The following GCNT1 variants were observed in gnomAD, a reference collection of about 807,000 sequenced individuals.
The protein encoded by GCNT1 is beta-1,3-galactosyl-O-glycosyl-glycoprotein beta-1,6-N-acetylglucosaminyltransferase.
In GCNT1, 16 loss-of-function variants were observed where a neutral mutation model predicts 26.2. The ratio of observed to expected loss-of-function variants is 0.61; its 90% CI spans 0.41 to 0.93. GCNT1 has a LOEUF of 0.93. Among genes scored for constraint, GCNT1 ranks in the 40% least tolerant of loss-of-function variants. The pLI is 0.00. For synonymous variants in GCNT1, 183 were observed against 190.8 expected (o/e 0.96, Z 0.34); for missense variants, 477 against 526.7 (o/e 0.91, Z 0.92).
chr9:76,498,844 ATAAAT>A (rs1824982734), intron 2 of GCNT1, among the ~76,000 whole-genome samples: 1 of 151,992 alleles, frequency 6.6e-6, no homozygotes, highest in Non-Finnish European at 1.5e-5. Flanking sequence ...TTTTATCATC[ATAAAT>A]TAATGTAGCT....
intron 2 of GCNT1, among the ~76,000 whole-genome samples, chr9:76,467,066 G>T (rs189049997): frequency 3.3e-4 from 50 of 150,230 alleles, no homozygotes; most frequent in African/African-American, 1.2e-3. Flanking sequence ...TCTTTGAGAT[G>T]GAGTCTTGCT....
At chr9:76,443,577 C>T (rs145401948) in intron 1 of GCNT1, among the ~76,000 whole-genome samples, 179 of 152,300 alleles carry the variant, frequency 1.2e-3, no homozygotes, top group African/African-American at 3.9e-3. Flanking sequence ...GCCCTCATTC[C>T]GGTAAACCCA....
the GCNT1 span, among the ~76,000 whole-genome samples, chr9:76,412,229 T>C: frequency 6.7e-6 from 1 of 150,076 alleles, no homozygotes; most frequent in East Asian, 1.9e-4. Context: ...GAAGCATACA[T>C]AAGCATAAGT....
intron 2 of GCNT1, among the ~76,000 whole-genome samples, chr9:76,477,579 C>T (rs1358832114): frequency 6.6e-6 from 1 of 151,974 alleles, no homozygotes; most frequent in Non-Finnish European, 1.5e-5. Flanking sequence ...CACTTACCTG[C>T]TCTGAAGGTG....
At chr9:76,483,604 G>A (rs1824483042) in intron 2 of GCNT1, among the ~76,000 whole-genome samples, 1 of 151,916 alleles carries the variant, frequency 6.6e-6, no homozygotes, top group African/African-American at 2.4e-5. Context: ...TCTTGTTTTT[G>A]TAGAGATGGT....
rs965164002 is a variant in GCNT1 at position 76,505,929 on chromosome 9, T to C, written c.*2261T>C. ...GTAAACTTACCATCTTCTATGTAGC[T>C]GTGATATCTCATCTTTCTAAAATGG... On this transcript the variant is annotated 3_prime_UTR_variant, in exon 4 of 4. Coordinates refer to ENST00000376730, the MANE Select transcript of GCNT1 (RefSeq NM_001490.5). The C allele has an allele frequency of 6.0e-6, 1 of 166,692 alleles. No homozygotes were observed. Among genetic ancestry groups the C allele is most frequent in the African/African-American group, 2.4e-5 (1 of 41,468 alleles). The allele number at this position is 166,692 out of a possible 1,614,324, so 10.3% of individuals were successfully genotyped here. A position where few individuals can be genotyped will look rare whatever the true frequency, so the allele number is the denominator to read the frequency against.
intron 2 of GCNT1, among the ~76,000 whole-genome samples, chr9:76,491,455 G>A (rs1490587832): frequency 6.6e-6 from 1 of 152,174 alleles, no homozygotes; most frequent in African/African-American, 2.4e-5. Context: ...CCATATTGCA[G>A]CATGGGCATG....
chr9:76,445,807 C>T (rs1823567102), intron 1 of GCNT1, among the ~76,000 whole-genome samples: 1 of 151,656 alleles, frequency 6.6e-6, no homozygotes, highest in Non-Finnish European at 1.5e-5. Flanking sequence ...AGACTCCTGT[C>T]TCTATAAAAA....
At chr9:76,495,528 G>A (rs117476833) in intron 2 of GCNT1, among the ~76,000 whole-genome samples, 12,283 of 152,176 alleles carry the variant, frequency 0.081, 674 homozygotes, top group Non-Finnish European at 0.12. Context: ...ATTTGCTCCC[G>A]CCTATGTCCT....
At chr9:76,464,930 A>G (rs113719625) in intron 2 of GCNT1, among the ~76,000 whole-genome samples, 4 of 152,302 alleles carry the variant, frequency 2.6e-5, no homozygotes, top group African/African-American at 9.6e-5. Flanking sequence ...TAGGGCAGGC[A>G]GTAGTGTTGC....
intron 2 of GCNT1, among the ~76,000 whole-genome samples, chr9:76,467,897 GTTTTTTTTTT>G (rs35387152): frequency 0.01 from 599 of 59,112 alleles, 6 homozygotes; most frequent in African/African-American, 0.041. Flanking sequence ...CTCTTTCAGT[GTTTTTTTTTT>G]TTTTTTTTTT....
At chr9:76,494,260 A>G (rs1032809935) in intron 2 of GCNT1, among the ~76,000 whole-genome samples, 2 of 152,170 alleles carry the variant, frequency 1.3e-5, no homozygotes. Flanking sequence ...CTGGGCCACA[A>G]AGAGGACTGA....
the GCNT1 span, among the ~76,000 whole-genome samples, chr9:76,395,095 T>G: frequency 6.6e-6 from 1 of 152,082 alleles, no homozygotes; most frequent in Non-Finnish European, 1.5e-5. Context: ...TCTTGACAAT[T>G]TCACAAGCCC....
At position 76,506,355 on chromosome 9, in the gene GCNT1, A is replaced by C. The variant is rs1825238158; in HGVS notation, c.*2687A>C. Reference sequence around the variant, plus strand: ...GGATTTCAAGACCAGCCTAGCCAACATGACGAAACCCCATCTCTACTGAAA... The same window carrying C: ...GGATTTCAAGACCAGCCTAGCCAACCTGACGAAACCCCATCTCTACTGAAA... On this transcript the variant is annotated 3_prime_UTR_variant, in exon 4 of 4. Transcript: ENST00000376730. 1.2e-5 allele frequency: 2 copies of C among 166,904 alleles called. No homozygotes were observed. The allele number at this position is 166,904 out of a possible 1,614,324, so 10.3% of individuals were successfully genotyped here. A position where few individuals can be genotyped will look rare whatever the true frequency, so the allele number is the denominator to read the frequency against.
rs1250170005 is a variant in GCNT1 at position 76,503,203 on chromosome 9, G to C, written c.822G>C (p.Met274Ile). The change falls in exon 4 of 4, where the codon ATG (methionine) becomes ATC (isoleucine). Residue 274 changes from methionine (M) to isoleucine (I), a missense_variant. Coordinates refer to ENST00000376730, the MANE Select transcript of GCNT1 (RefSeq NM_001490.5). The stretch of plus-strand genomic sequence containing the variant: ...TGACAAACACAGGGACTGTCAAAAT[G>C]CTTCCTCCACTCGAAACACCTCTCT... Reference protein sequence around the residue: ...GKLTNTGTVKMLPPLETPLFS... With the variant: ...GKLTNTGTVKILPPLETPLFS... The C allele has an allele frequency of 1.9e-6, 3 of 1,614,040 alleles. No homozygotes were observed. The highest frequency in any genetic ancestry group is 2.7e-5 in the African/African-American group (2 of 74,918).
intron 1 of GCNT1, among the ~76,000 whole-genome samples, chr9:76,435,390 C>G (rs1303447323): frequency 2.0e-5 from 3 of 152,128 alleles, no homozygotes; most frequent in African/African-American, 7.2e-5. Flanking sequence ...CCAGTTCCCC[C>G]ACTGGTCCCA....
intron 2 of GCNT1, among the ~76,000 whole-genome samples, chr9:76,499,838 T>C (rs1221942985): frequency 2.0e-5 from 3 of 152,318 alleles, no homozygotes; most frequent in Admixed American, 1.3e-4. Flanking sequence ...TAATTATTGA[T>C]ACATTATTTT....
At chr9:76,443,511 G>A (rs996423803) in intron 1 of GCNT1, among the ~76,000 whole-genome samples, 4 of 152,216 alleles carry the variant, frequency 2.6e-5, no homozygotes, top group African/African-American at 9.6e-5. Flanking sequence ...GCTATTGTTT[G>A]TGGCTTAAGA....
chr9:76,401,795 T>G, the GCNT1 span, among the ~76,000 whole-genome samples: 13 of 152,180 alleles, frequency 8.5e-5, no homozygotes, highest in Non-Finnish European at 1.8e-4. Context: ...TTTGGGAGGC[T>G]GAGGCCAGAG....
Sources: allele counts gnomAD v4.1 joint callset (sites outside exome capture counted in the v4.1 genomes callset), GRCh38; gene constraint gnomAD v4.1.1; transcripts MANE v1.5; gene names NCBI Gene and HGNC (gene_info 2026-07-23, HGNC 2026-07-21).